Variants in C4orf50 observed in about 807,000 individuals in gnomAD.
C4orf50 encodes the protein chromosome 4 open reading frame 50, also known as uncharacterized protein C4orf50.
A neutral mutation model predicts 77.2 loss-of-function variants in C4orf50; 80 were observed. The ratio of observed to expected loss-of-function variants is 1.04; its 90% CI spans 0.87 to 1.25. The LOEUF (loss-of-function observed/expected upper bound fraction) is 1.25. Ranked by LOEUF, C4orf50 falls within the 50% of genes most tolerant of loss-of-function variation. The pLI is 0.00. For synonymous variants in C4orf50, 532 were observed against 465.3 expected (o/e 1.14, Z -1.84); for missense variants, 1,257 against 1,152.9 (o/e 1.09, Z -1.31).
At chr4:5,988,773 G>T in exon 28 of C4orf50, 1 of 1,536,096 alleles carries the variant, frequency 6.5e-7, no homozygotes, top group African/African-American at 1.4e-5. Flanking sequence ...TGCGTAGAAG[G>T]TGCTCGTTCT....
At chr4:5,917,981 C>T (rs1372170372) in intron 7 of C4orf50, among the ~76,000 whole-genome samples, 2 of 152,076 alleles carry the variant, frequency 1.3e-5, no homozygotes, top group Non-Finnish European at 2.9e-5. Flanking sequence ...ACTGGCCCGA[C>T]GCAAATGACG....
chr4:5,945,045 C>G (rs1030239558), intron 7 of C4orf50, among the ~76,000 whole-genome samples: 1 of 152,100 alleles, frequency 6.6e-6, no homozygotes, highest in Non-Finnish European at 1.5e-5. Flanking sequence ...CCACGCCTGT[C>G]CCCACATTTC....
chr4:6,005,085 G>A (rs1477007205), intron 25 of C4orf50, among the ~76,000 whole-genome samples: 3 of 152,174 alleles, frequency 2.0e-5, no homozygotes, highest in African/African-American at 7.2e-5. Context: ...AGGCAGAGCT[G>A]TGCTGGAATC....
rs1560548719 is a variant in C4orf50, at chr4:5,932,975, G to A, written c.*2474+23926C>T. On this transcript the variant is annotated intron_variant, in intron 7 of 7. Coordinates refer to the C4orf50 transcript ENST00000324058. The surrounding 1 kb of genome is among the most constrained non-coding windows in gnomAD (Gnocchi z 4.2). ...CATATTATCATTAATATTAAAGACC[G>A]TCATTTTCTCTCTGCCTTATAATTT... is the stretch of plus-strand genomic sequence containing the variant. 1.3e-5 allele frequency among the ~76,000 whole-genome samples: 2 copies of A among 152,140 alleles called. No individual in the cohort carries two copies. The highest frequency in any genetic ancestry group is 2.4e-5 in the African/African-American group (1 of 41,434).
intron 33 of C4orf50, 116 bp downstream of exon 11, chr4:5,964,908 G>T: frequency 2.2e-4 from 173 of 804,138 alleles, no homozygotes; most frequent in East Asian, 9.5e-4. Flanking sequence ...TCTATTTCTT[G>T]ACCTGGTGGT....
Position 5,900,107 on chromosome 4 carries a change from C to T in C4orf50, c.*2475-1919G>A, listed in dbSNP as rs897663417. 1 of 152,160 alleles carries T rather than the reference C, an allele frequency of 6.6e-6. No individual in the cohort carries two copies. The highest frequency in any genetic ancestry group is 1.5e-5 in the Non-Finnish European group (1 of 68,034). 9.4% of individuals were successfully genotyped at this position (152,160 alleles called of 1,614,324 possible). ...TTGGCTGAGTTCTCAGAAGGTTTCACGTTTCAGACCTAGAATTTCACCCTG... is the reference window on the plus strand; with the variant it reads ...TTGGCTGAGTTCTCAGAAGGTTTCATGTTTCAGACCTAGAATTTCACCCTG... On this transcript the variant is annotated intron_variant, in intron 7 of 7. Transcript: ENST00000324058. This position sits in a 1 kb window ranked among gnomAD's most constrained non-coding sequence, Gnocchi z 4.3.
intron 7 of C4orf50, among the ~76,000 whole-genome samples, chr4:5,933,898 T>A (rs1418431670): frequency 1.4e-5 from 2 of 147,398 alleles, no homozygotes; most frequent in Non-Finnish European, 1.5e-5. Flanking sequence ...GGGAGAGGAG[T>A]GGGAGGAGGA....
chr4:5,967,447 C>G (rs780615344), exon 32 of C4orf50: 1 of 1,614,040 alleles, frequency 6.2e-7, no homozygotes, highest in South Asian at 1.1e-5. Flanking sequence ...GACTTGACGT[C>G]CAGGTGGTGG....
intron 26 of C4orf50, among the ~76,000 whole-genome samples, chr4:5,993,305 G>A (rs1488238785): frequency 2.0e-5 from 3 of 152,162 alleles, no homozygotes; most frequent in Non-Finnish European, 2.9e-5. Flanking sequence ...GACCTGAGTC[G>A]ACATGGCAGC....
rs114514478 is a variant in C4orf50 at position 5,914,158 on chromosome 4, G to T, written c.*2475-15970C>A. On this transcript the variant is annotated intron_variant, in intron 7 of 7. Transcript: ENST00000324058. Reference sequence around the variant, plus strand: ...GAAACTTACCCGCAGGGATAAAAAAGAATATGAGCCAGGAGGTTAACAGAT... The same window carrying T: ...GAAACTTACCCGCAGGGATAAAAAATAATATGAGCCAGGAGGTTAACAGAT... 6.6e-3 allele frequency among the ~76,000 whole-genome samples: 994 copies of T among 150,296 alleles called. 10 individuals are homozygous for T. Among genetic ancestry groups the T allele is most frequent in the Middle Eastern group, 0.014 (4 of 282 alleles).
intron 27 of C4orf50, among the ~76,000 whole-genome samples, chr4:5,991,386 A>G (rs1372593270): frequency 6.6e-6 from 1 of 152,194 alleles, no homozygotes; most frequent in African/African-American, 2.4e-5. Context: ...GAAGGCTCTC[A>G]TGGATGGGGC....
In C4orf50 at chr4:6,008,464, G is replaced by GCGCCGCAACCGCTCCTGCAAC. The variant is rs1406176176; in HGVS notation, c.474_494dup (p.Leu159_Arg165dup). The GCGCCGCAACCGCTCCTGCAAC allele has an allele frequency of 4.5e-5, 18 of 397,576 alleles. No homozygotes were observed. The highest frequency in any genetic ancestry group is 2.1e-4 in the East Asian group (6 of 27,992). The allele number at this position is 397,576 out of a possible 1,614,324, so 24.6% of individuals were successfully genotyped here. ...CCTGCTGCCCCAGTGCCTCGTCCTT[G>GCGCCGCAACCGCTCCTGCAAC]CGCCGCAACCGCTCCTGCAACCGCC... On this transcript the variant is annotated inframe_insertion, in exon 25 of 34. Transcript: ENST00000531445. The surrounding 1 kb of genome is among the most constrained non-coding windows in gnomAD (Gnocchi z 6.0).
At chr4:5,959,835 G>C (rs76993164) in intron 33 of C4orf50, among the ~76,000 whole-genome samples, 274 of 152,290 alleles carry the variant, frequency 1.8e-3, no homozygotes, top group African/African-American at 6.4e-3. Context: ...CTGCGTTCTG[G>C]GTCAGAAAAT....
At chr4:5,906,275 G>C (rs1716547534) in intron 7 of C4orf50, among the ~76,000 whole-genome samples, 1 of 152,046 alleles carries the variant, frequency 6.6e-6, no homozygotes. Context: ...AAATGATTTT[G>C]CAAGGGGAAA....
intron 27 of C4orf50, among the ~76,000 whole-genome samples, chr4:5,991,324 C>T (rs928909145): frequency 5.9e-5 from 9 of 152,188 alleles, no homozygotes; most frequent in African/African-American, 2.2e-4. Context: ...CCCCATGTGG[C>T]TCGTGGCTAC....
intron 7 of C4orf50, among the ~76,000 whole-genome samples, chr4:5,928,302 G>C (rs545998148): frequency 6.6e-6 from 1 of 152,076 alleles, no homozygotes; most frequent in South Asian, 2.1e-4. Flanking sequence ...GGCAAAAACT[G>C]TAAGCAAAAC....
At chr4:5,962,392 A>G (rs1241288467) in intron 33 of C4orf50, among the ~76,000 whole-genome samples, 2 of 152,242 alleles carry the variant, frequency 1.3e-5, no homozygotes, top group Non-Finnish European at 2.9e-5. Flanking sequence ...TGGAACCATA[A>G]GGGTATTAAG....
chr4:5,988,312 C>A, intron 28 of C4orf50, 35 bp downstream of exon 6: 2 of 1,599,450 alleles, frequency 1.3e-6, no homozygotes, highest in South Asian at 1.1e-5. Context: ...CAGAGTCATG[C>A]GTGATGAGTA....
chr4:5,973,656 T>C lies in C4orf50; in HGVS notation c.4104+3A>G, dbSNP rs1365780281. ...ACAGACAGGGCCATCTCTGGGACTC[T>C]ACCTCTGGGACTCCCGGAGCCAGGA... On this transcript the variant is annotated splice_donor_region_variant and intron_variant, in intron 31 of 33. Transcript: ENST00000531445. 6.2e-7 allele frequency: 1 copy of C among 1,608,810 alleles called. No homozygotes were observed. Among genetic ancestry groups the C allele is most frequent in the Non-Finnish European group, 8.5e-7 (1 of 1,176,512 alleles).
Sources: allele counts gnomAD v4.1 joint callset (sites outside exome capture counted in the v4.1 genomes callset), GRCh38; gene constraint gnomAD v4.1.1; non-coding constraint Gnocchi (gnomAD v3.1); transcripts MANE v1.5; gene names NCBI Gene and HGNC (gene_info 2026-07-23, HGNC 2026-07-21).